KDM2A: variants seen among roughly 807,000 people sequenced by gnomAD.
KDM2A encodes lysine demethylase 2A, also known as lysine-specific demethylase 2A.
A neutral mutation model predicts 137.3 loss-of-function variants in KDM2A; 3 were observed. That is an observed-to-expected ratio of 0.02 (90% CI 0.01 to 0.06). The LOEUF (loss-of-function observed/expected upper bound fraction) is 0.06, where lower values mean the gene tolerates loss of function less well. Among genes scored for constraint, KDM2A ranks in the 10% least tolerant of loss-of-function variants. The pLI is 1.00. For missense variants in KDM2A, 738 were observed against 1,510.6 expected (o/e 0.49, Z 8.48); for synonymous variants, 512 against 541.5 (o/e 0.95, Z 0.76).
chr11:67,200,115 G>A (rs1003474348), intron 5 of KDM2A, among the ~76,000 whole-genome samples: 6 of 151,880 alleles, frequency 4.0e-5, no homozygotes. Context: ...GATCTGCTCA[G>A]GAAAAAAGGT....
chr11:67,195,900 C>T, intron 5 of KDM2A: 1 of 375,972 alleles, frequency 2.7e-6, no homozygotes, highest in Non-Finnish European at 5.4e-6. Context: ...CAATAGGCTC[C>T]AATAAGGAAT....
At chr11:67,227,320 A>G (rs1177842326) in intron 10 of KDM2A, among the ~76,000 whole-genome samples, 2 of 152,156 alleles carry the variant, frequency 1.3e-5, no homozygotes, top group Admixed American at 1.3e-4. Context: ...TAGTATTTGT[A>G]ATAGCCTAAT....
At chr11:67,253,676 G>A (rs1162763257) in intron 19 of KDM2A, 65 bp downstream of exon 19, 12 of 1,537,110 alleles carry the variant, frequency 7.8e-6, no homozygotes, top group East Asian at 2.3e-5. Context: ...AACAGACCTC[G>A]TCTTCAGAAG....
At chr11:67,139,308 G>C (rs959974230) in intron 2 of KDM2A, among the ~76,000 whole-genome samples, 7 of 151,534 alleles carry the variant, frequency 4.6e-5, no homozygotes, top group African/African-American at 1.7e-4. Flanking sequence ...GCAGTGGCAT[G>C]ATCTCAGCTC....
chr11:67,169,380 C>CTTTTTTTTTTTT (rs1169905276), intron 2 of KDM2A, among the ~76,000 whole-genome samples: 1 of 132,648 alleles, frequency 7.5e-6, no homozygotes, highest in Non-Finnish European at 1.6e-5. Context: ...CTTTCTTTTT[C>CTTTTTTTTTTTT]TTTTTTTTTT....
At chr11:67,155,750 G>A (rs570337213) in intron 2 of KDM2A, among the ~76,000 whole-genome samples, 1 of 151,646 alleles carries the variant, frequency 6.6e-6, no homozygotes, top group East Asian at 2.0e-4. Flanking sequence ...CTAAGTAGCT[G>A]TGATTACAGG....
At chr11:67,122,896 C>T (rs1410929603) in intron 2 of KDM2A, among the ~76,000 whole-genome samples, 1 of 151,176 alleles carries the variant, frequency 6.6e-6, no homozygotes, top group African/African-American at 2.4e-5. Context: ...AGGATGGTCT[C>T]GATCTCCTGA....
rs889854888 is a variant in KDM2A, at chr11:67,249,945, C to G, written c.2056-141C>G. 5.8e-6 allele frequency: 4 copies of G among 684,362 alleles called. No individual in the cohort carries two copies. The East Asian group carries it at 1.1e-4, about 19-fold the overall frequency. The allele number at this position is 684,362 out of a possible 1,614,324, so 42.4% of individuals were successfully genotyped here. A position where few individuals can be genotyped will look rare whatever the true frequency, so the allele number is the denominator to read the frequency against. ...CCAGGAGTTGGAGACCAGCCTGGGC[C>G]GACTCTGAGGGAATGACCCCCTCTC... On this transcript the variant is annotated intron_variant, in intron 16 of 20. Transcript: ENST00000529006.
chr11:67,182,987 A>G (rs1233958524), intron 5 of KDM2A, among the ~76,000 whole-genome samples: 5 of 152,250 alleles, frequency 3.3e-5, no homozygotes, highest in African/African-American at 1.2e-4. Context: ...CTGCAGTACT[A>G]TCTCCTGGCC....
At chr11:67,241,886 T>C (rs1038359009) in intron 12 of KDM2A, among the ~76,000 whole-genome samples, 4 of 152,032 alleles carry the variant, frequency 2.6e-5, no homozygotes, top group African/African-American at 4.8e-5. Flanking sequence ...CTGGCCAACA[T>C]GGTGAAACTC....
At chr11:67,137,911 C>T (rs1276803418) in intron 2 of KDM2A, among the ~76,000 whole-genome samples, 1 of 152,104 alleles carries the variant, frequency 6.6e-6, no homozygotes, top group Admixed American at 6.6e-5. Flanking sequence ...GATTCTTCTG[C>T]CTCAGCCTCC....
intron 5 of KDM2A, among the ~76,000 whole-genome samples, chr11:67,184,207 A>G (rs527972995): frequency 2.0e-5 from 3 of 150,866 alleles, no homozygotes; most frequent in East Asian, 2.0e-4. Flanking sequence ...TTAAAGGGCT[A>G]TTGTGGCCGG....
intron 2 of KDM2A, among the ~76,000 whole-genome samples, chr11:67,139,432 A>G (rs1455714635): frequency 6.6e-6 from 1 of 151,928 alleles, no homozygotes; most frequent in Non-Finnish European, 1.5e-5. Flanking sequence ...TTTGGTAGAG[A>G]TGGGTTTTCT....
chr11:67,131,122 C>G (rs957259320), intron 2 of KDM2A, among the ~76,000 whole-genome samples: 5 of 152,046 alleles, frequency 3.3e-5, no homozygotes, highest in African/African-American at 1.2e-4. Flanking sequence ...GTCAGGAGTT[C>G]AAGACCAGCC....
At chr11:67,172,183 G>A (rs1460544457) in intron 2 of KDM2A, among the ~76,000 whole-genome samples, 1 of 151,988 alleles carries the variant, frequency 6.6e-6, no homozygotes, top group Non-Finnish European at 1.5e-5. Context: ...AGAGGCAGTG[G>A]CTGGTCTTGA....
chr11:67,205,393 A>C (rs1035013620), intron 5 of KDM2A, among the ~76,000 whole-genome samples: 4 of 152,074 alleles, frequency 2.6e-5, no homozygotes, highest in Admixed American at 6.6e-5. Context: ...TAACTAAGCT[A>C]TAAATTCCTT....
At chr11:67,182,008 A>G (rs1227855963) in intron 5 of KDM2A, 116 bp downstream of exon 5, 9 of 844,938 alleles carry the variant, frequency 1.1e-5, no homozygotes, top group Non-Finnish European at 1.5e-5. Flanking sequence ...ATTTGATTAG[A>G]AACTACATTT....
At position 67,125,461 on chromosome 11, in the gene KDM2A, GA is replaced by G. The variant is rs200017523; in HGVS notation, c.42+4112del. Among the ~76,000 whole-genome samples the G allele has an allele frequency of 2.9e-3, 437 of 150,376 alleles. 1 individual carries two copies. The highest frequency in any genetic ancestry group is 0.025 in the East Asian group (128 of 5,116). On this transcript the variant is annotated intron_variant, in intron 2 of 20. Transcript: ENST00000529006. Reference sequence around the variant, plus strand: ...CTCCCAACAAGTCATTTTTTGGGGGGAAAAAAAAATCAGAAATAACTAGTTA... The same window carrying G: ...CTCCCAACAAGTCATTTTTTGGGGGGAAAAAAAATCAGAAATAACTAGTTA...
Position 67,255,472 on chromosome 11 carries a change from C to A in KDM2A, c.*417C>A, listed in dbSNP as rs754604759. On this transcript the variant is annotated 3_prime_UTR_variant, in exon 21 of 21. Transcript: ENST00000529006. ...CCAGGGAAGAAAACGGCCCTGTCTC[C>A]ATGGCCAGGTTCTTGTGGTGTCCAG... 5.9e-5 allele frequency: 27 copies of A among 459,282 alleles called. No homozygotes were observed. Among genetic ancestry groups the A allele is most frequent in the Non-Finnish European group, 9.2e-5 (21 of 228,862 alleles). The allele number at this position is 459,282 out of a possible 1,614,324, so 28.5% of individuals were successfully genotyped here.
Sources: gnomAD v4.1 joint callset for allele counts (sites outside exome capture counted in the v4.1 genomes callset) on GRCh38, gnomAD v4.1.1 for gene constraint, MANE v1.5 for transcripts, NCBI Gene and HGNC (gene_info 2026-07-23, HGNC 2026-07-21) for gene names.